Variants in RABEP1 observed in about 807,000 individuals in gnomAD.
The protein encoded by RABEP1 is rabaptin, RAB GTPase binding effector protein 1.
In RABEP1, 51 loss-of-function variants were observed where a neutral mutation model predicts 123.4. The ratio of observed to expected loss-of-function variants is 0.41; its 90% CI spans 0.33 to 0.52. The LOEUF is 0.52. Among genes scored for constraint, RABEP1 ranks in the 20% least tolerant of loss-of-function variants. RABEP1 has a pLI of 0.16. For synonymous variants in RABEP1, 347 were observed against 355.2 expected (o/e 0.98, Z 0.26); for missense variants, 888 against 996.3 (o/e 0.89, Z 1.46).
At chr17:5,285,675 A>G (rs1296232551) in intron 1 of RABEP1, among the ~76,000 whole-genome samples, 2 of 152,216 alleles carry the variant, frequency 1.3e-5, no homozygotes, top group East Asian at 1.9e-4. Context: ...CAATGGTACT[A>G]TTGAATATTA....
chr17:5,344,240 C>A (rs981761462), intron 5 of RABEP1, among the ~76,000 whole-genome samples: 12 of 152,076 alleles, frequency 7.9e-5, no homozygotes, highest in Admixed American at 2.6e-4. Context: ...GAGTTTGAGA[C>A]CAGCCTGGGC....
In RABEP1 at chr17:5,361,513, G is replaced by T; in HGVS notation, c.1401G>T (p.Met467Ile). The T allele has an allele frequency of 6.2e-7, 1 of 1,614,160 alleles. No individual in the cohort carries two copies. The highest frequency in any genetic ancestry group is 2.2e-5 in the East Asian group (1 of 44,882). ...LGSLQMPSGF[M>I]LTKDQERAIK... is the part of the protein sequence containing the mutation. ...CACTCCAGATGCCAAGTGGGTTTATGTTAACCAAAGATCAGGAAAGAGCAA... is the reference window on the plus strand; with the variant it reads ...CACTCCAGATGCCAAGTGGGTTTATTTTAACCAAAGATCAGGAAAGAGCAA... Residue 467 changes from methionine (M) to isoleucine (I), a missense_variant, in exon 9 of 18, where the codon ATG (methionine) becomes ATT (isoleucine). Transcript: ENST00000537505.
chr17:5,314,270 T>C (rs1166714951), intron 2 of RABEP1, among the ~76,000 whole-genome samples: 2 of 100,376 alleles, frequency 2.0e-5, no homozygotes, highest in Non-Finnish European at 4.1e-5. Context: ...TGAGATGGAG[T>C]TTTGCTCTGT....
chr17:5,294,656 TTTTTTTTTTG>T (rs2075064809), intron 1 of RABEP1, among the ~76,000 whole-genome samples: 1 of 79,818 alleles, frequency 1.3e-5, no homozygotes. Flanking sequence ...TTTTTTTTTT[TTTTTTTTTTG>T]AGATGGAGTC....
At position 5,351,797 on chromosome 17, in the gene RABEP1, A is replaced by G. The variant is rs72836400; in HGVS notation, c.963+1168A>G. ...GCTGTGGGTGACAAAGCAAGATCCT[A>G]TCTCAAAAAAAAGTATATATATTTC... On this transcript the variant is annotated intron_variant, in intron 7 of 17. Transcript: ENST00000537505. Among the ~76,000 whole-genome samples the G allele has an allele frequency of 6.1e-3, 934 of 152,224 alleles. 4 individuals carry two copies. The highest frequency in any genetic ancestry group is 0.01 in the Middle Eastern group (3 of 294).
chr17:5,316,522 G>T (rs547738374), intron 2 of RABEP1, among the ~76,000 whole-genome samples: 29 of 146,766 alleles, frequency 2.0e-4, no homozygotes, highest in Non-Finnish European at 4.5e-5. Context: ...AAACATAGAG[G>T]AAATATATAG....
At position 5,377,147 on chromosome 17, in the gene RABEP1, A is replaced by G; in HGVS notation, c.2057A>G (p.Glu686Gly). Reference protein sequence around the residue: ...ALRELVLKYREDIINVRTAAD... With the variant: ...ALRELVLKYRGDIINVRTAAD... ...CGGGAGTTGGTATTAAAATACCGTGAGGACATCATTAATGTGCGGACAGCA... is the reference window on the plus strand; with the variant it reads ...CGGGAGTTGGTATTAAAATACCGTGGGGACATCATTAATGTGCGGACAGCA... Residue 686 changes from glutamate to glycine, a missense_variant, in exon 14 of 18, where the codon GAG (glutamate) becomes GGG (glycine). Glu to Gly is a moderately conservative substitution (Grantham distance 98, BLOSUM62 -2). Transcript: ENST00000537505. The G allele has an allele frequency of 6.2e-7, 1 of 1,605,556 alleles. No homozygotes were observed. Among genetic ancestry groups the G allele is most frequent in the African/African-American group, 1.3e-5 (1 of 74,302 alleles).
At chr17:5,316,390 C>T (rs1422714474) in intron 2 of RABEP1, among the ~76,000 whole-genome samples, 1 of 121,244 alleles carries the variant, frequency 8.2e-6, no homozygotes, top group African/African-American at 3.1e-5. Context: ...GTGGAGGTTG[C>T]AGTGAGCCGA....
chr17:5,367,378 T>A (rs753900846), intron 11 of RABEP1, among the ~76,000 whole-genome samples: 1 of 151,490 alleles, frequency 6.6e-6, no homozygotes. Flanking sequence ...TTCAAGCGAT[T>A]CTCCTGCCTC....
intron 2 of RABEP1, among the ~76,000 whole-genome samples, chr17:5,322,404 T>G (rs1311124465): frequency 1.3e-5 from 2 of 152,034 alleles, no homozygotes; most frequent in African/African-American, 4.8e-5. Context: ...AAGGGTCATA[T>G]AATAATAAAG....
rs1202897717 is a variant in RABEP1, at chr17:5,374,158, A to C, written c.2025+704A>C. Among the ~76,000 whole-genome samples the C allele has an allele frequency of 4.4e-3, 666 of 149,730 alleles. 5 individuals carry two copies. Among genetic ancestry groups the C allele is most frequent in the African/African-American group, 0.016 (629 of 40,254 alleles). On this transcript the variant is annotated intron_variant, in intron 13 of 17. Transcript: ENST00000537505. ...CTCTGCTCACTGCAACCTCCGCCTC[A>C]CAGGTTTAAACGATTCTCCTGCCTC...
At chr17:5,306,211 C>G (rs1317994633) in intron 1 of RABEP1, among the ~76,000 whole-genome samples, 1 of 151,846 alleles carries the variant, frequency 6.6e-6, no homozygotes, top group East Asian at 1.9e-4. Flanking sequence ...GCAAAATCTT[C>G]TAACAGAAAG....
chr17:5,309,417 A>G (rs747764474), intron 2 of RABEP1, among the ~76,000 whole-genome samples: 2 of 151,996 alleles, frequency 1.3e-5, no homozygotes, highest in African/African-American at 2.4e-5. Flanking sequence ...TGGGAGGCCA[A>G]CGGGCGGGGG....
rs765219295 is a variant in RABEP1, at chr17:5,362,893, T to G, written c.1564-19T>G. On this transcript the variant is annotated intron_variant, in intron 9 of 17. Coordinates refer to ENST00000537505, the MANE Select transcript of RABEP1 (RefSeq NM_004703.6). ...TAGAATTGTTTTGCCTGATAAGAGG[T>G]AATTTTGGTGCCCTTCAGGTACATA... 7 of 1,538,212 alleles carry G rather than the reference T, an allele frequency of 4.6e-6. No homozygotes were observed. In the Middle Eastern group the frequency reaches 6.7e-4, roughly 148 times the overall value.
chr17:5,358,148 A>G (rs1302035226), intron 8 of RABEP1, among the ~76,000 whole-genome samples: 1 of 152,174 alleles, frequency 6.6e-6, no homozygotes, highest in African/African-American at 2.4e-5. Context: ...CCTGGGAAGC[A>G]GTTTCTTCAC....
chr17:5,380,160 A>T (rs180711960), intron 15 of RABEP1, among the ~76,000 whole-genome samples: 186 of 152,318 alleles, frequency 1.2e-3, no homozygotes, highest in African/African-American at 4.0e-3. Flanking sequence ...AGGCCTTAGA[A>T]TATAGTAGGC....
intron 5 of RABEP1, among the ~76,000 whole-genome samples, chr17:5,340,516 G>GT (rs1748378167): frequency 6.6e-6 from 1 of 151,810 alleles, no homozygotes; most frequent in Non-Finnish European, 1.5e-5. Context: ...ACCCAATTCT[G>GT]TAACTATGGG....
intron 5 of RABEP1, among the ~76,000 whole-genome samples, chr17:5,338,928 G>A (rs1160295461): frequency 2.0e-5 from 3 of 152,066 alleles, no homozygotes; most frequent in African/African-American, 4.8e-5. Flanking sequence ...AAGCTGAGGC[G>A]GGAGAATTGC....
At chr17:5,287,598 C>CA (rs55858409) in intron 1 of RABEP1, among the ~76,000 whole-genome samples, 108 of 61,146 alleles carry the variant, frequency 1.8e-3, no homozygotes, top group African/African-American at 5.6e-3. Context: ...GACTCTGTCG[C>CA]AAAAAAAAAA....
Sources: gnomAD v4.1 joint callset for allele counts (sites outside exome capture counted in the v4.1 genomes callset) on GRCh38, gnomAD v4.1.1 for gene constraint, MANE v1.5 for transcripts, NCBI Gene and HGNC (gene_info 2026-07-23, HGNC 2026-07-21) for gene names.